The following NUP88 variants were observed in gnomAD, a reference collection of about 807,000 sequenced individuals.
NUP88 encodes the protein nucleoporin 88.
In NUP88, 57 loss-of-function variants were observed where a neutral mutation model predicts 93.9. That is an observed-to-expected ratio of 0.61 (90% CI 0.49 to 0.76). The LOEUF (loss-of-function observed/expected upper bound fraction) is 0.76, where lower values mean the gene tolerates loss of function less well. Among genes scored for constraint, NUP88 ranks in the 30% least tolerant of loss-of-function variants. NUP88 has a pLI of 0.00. For synonymous variants in NUP88, 346 were observed against 336.8 expected (o/e 1.03, Z -0.30); for missense variants, 911 against 901.0 (o/e 1.01, Z -0.14).
At chr17:5,419,227 TG>T in intron 1 of NUP88, 126 bp downstream of exon 1, 1 of 1,113,076 alleles carries the variant, frequency 9.0e-7, no homozygotes. Context: ...CGACCGCGTA[TG>T]GCAGCGTCGG....
chr17:5,391,764 T>A, intron 9 of NUP88, 102 bp from the exon 10 acceptor site: 1 of 889,492 alleles, frequency 1.1e-6, no homozygotes, highest in South Asian at 1.4e-5. Flanking sequence ...TGGGCTGAAG[T>A]TGCTTGGGAC....
Position 5,419,620 on chromosome 17 carries a change from C to A in NUP88, c.31G>T (p.Gly11Cys). 2 of 1,595,776 alleles carry A rather than the reference C, an allele frequency of 1.3e-6. No homozygotes were observed. Among genetic ancestry groups the A allele is most frequent in the South Asian group, 1.1e-5 (1 of 90,858 alleles). MAAAEGPVGD[G>C]ELWQTWLPNH... ...GGAAGCCAGGTCTGCCACAGCTCGCCGTCGCCCACCGGTCCCTCGGCGGCC... is the reference window on the plus strand; with the variant it reads ...GGAAGCCAGGTCTGCCACAGCTCGCAGTCGCCCACCGGTCCCTCGGCGGCC... The change falls in exon 1 of 17, where the codon GGC (glycine) becomes TGC (cysteine). Residue 11 changes from glycine to cysteine, a missense_variant. By Grantham distance (159) the Gly-to-Cys change is radical (BLOSUM62 -3). Transcript: ENST00000573584.
At chr17:5,402,471 G>A (rs937945044) in intron 7 of NUP88, among the ~76,000 whole-genome samples, 6 of 152,164 alleles carry the variant, frequency 3.9e-5, no homozygotes, top group African/African-American at 1.4e-4. Flanking sequence ...AAAATTCTTA[G>A]ACAATATAAA....
In NUP88 at chr17:5,416,507, A is replaced by G; in HGVS notation, c.467+6T>C. ...AAATTATACAGATAAATAGTATACA[A>G]CTTACCTACAATTCACTGTTGATTT... On this transcript the variant is annotated splice_donor_region_variant and intron_variant, in intron 2 of 16. Transcript: ENST00000573584. The G allele has an allele frequency of 6.3e-7, 1 of 1,597,094 alleles. No individual in the cohort carries two copies. The highest frequency in any genetic ancestry group is 8.5e-7 in the Non-Finnish European group (1 of 1,169,612).
At chr17:5,393,897 TATGAG>T (rs1348599784) in intron 9 of NUP88, among the ~76,000 whole-genome samples, 1 of 152,200 alleles carries the variant, frequency 6.6e-6, no homozygotes, top group Non-Finnish European at 1.5e-5. Flanking sequence ...ACAGAGTGCT[TATGAG>T]ATATCTAGTA....
chr17:5,404,647 T>C (rs1000442223), intron 6 of NUP88, among the ~76,000 whole-genome samples: 1 of 152,032 alleles, frequency 6.6e-6, no homozygotes, highest in Non-Finnish European at 1.5e-5. Flanking sequence ...AATAAAAAAA[T>C]TGAAAAAAAA....
chr17:5,407,510 ACT>A (rs1444388007), intron 5 of NUP88, among the ~76,000 whole-genome samples: 2 of 152,070 alleles, frequency 1.3e-5, no homozygotes, highest in Non-Finnish European at 2.9e-5. Flanking sequence ...AAGCGAATAA[ACT>A]CTAATGCTCA....
At position 5,416,554 on chromosome 17, in the gene NUP88, C is replaced by T. The variant is rs1420883146; in HGVS notation, c.426G>A (p.Lys142=). ...MVLELPKRWG[K]NSEFEGGKST... is the part of the protein sequence containing the mutation. ...ATTTTCCACCTTCAAATTCAGAATT[C>T]TTCCCCCATCTTTTAGGTAATTCTA... Residue 142 remains lysine (K), a synonymous_variant, in exon 2 of 17, where the codon AAG becomes AAA. Coordinates refer to ENST00000573584, the MANE Select transcript of NUP88 (RefSeq NM_002532.6). The T allele has an allele frequency of 1.9e-6, 3 of 1,611,466 alleles. No individual in the cohort carries two copies. Among genetic ancestry groups the T allele is most frequent in the Non-Finnish European group, 1.7e-6 (2 of 1,179,084 alleles).
At position 5,408,805 on chromosome 17, in the gene NUP88, A is replaced by G; in HGVS notation, c.785T>C (p.Val262Ala). 1 of 1,613,794 alleles carries G rather than the reference A, an allele frequency of 6.2e-7. No homozygotes were observed. ...TLFGQNGKDE[V>A]VAYPLYILYE... The stretch of plus-strand genomic sequence containing the variant: ...TAAGATGTACAGTGGGTATGCCACT[A>G]CTTCATCTTTGCCGTTTTGTCCAAA... Residue 262 changes from valine to alanine, a missense_variant, in exon 5 of 17, where the codon GTA becomes GCA. Val to Ala is a moderately conservative substitution (Grantham distance 64). Coordinates refer to ENST00000573584, the MANE Select transcript of NUP88 (RefSeq NM_002532.6).
At chr17:5,395,162 T>C (rs1043269678) in intron 8 of NUP88, among the ~76,000 whole-genome samples, 181 bp from the exon 9 acceptor site, 6 of 152,166 alleles carry the variant, frequency 3.9e-5, no homozygotes, top group African/African-American at 1.4e-4. Context: ...CCCCAAGAAG[T>C]AGGATTTTCC....
intron 8 of NUP88, among the ~76,000 whole-genome samples, chr17:5,396,126 G>A (rs1208214708): frequency 6.6e-6 from 1 of 151,986 alleles, no homozygotes; most frequent in Admixed American, 6.6e-5. Flanking sequence ...CAGGTGAATC[G>A]CTTGAACCCA....
intron 16 of NUP88, 100 bp from the exon 17 acceptor site, chr17:5,386,369 C>T: frequency 1.1e-6 from 1 of 927,726 alleles, no homozygotes; most frequent in East Asian, 2.5e-5. Context: ...CTAAGAACTG[C>T]TTTGCTAAAA....
In NUP88 at chr17:5,386,088, A is replaced by T. The variant is rs1239400372; in HGVS notation, c.*118T>A. ...TAAAACAACATATTTAAAAAGATGA[A>T]CCACACCAAAGGTCATCAAAACACC... On this transcript the variant is annotated 3_prime_UTR_variant, in exon 17 of 17. Coordinates refer to ENST00000573584, the MANE Select transcript of NUP88 (RefSeq NM_002532.6). 1.4e-6 allele frequency: 1 copy of T among 692,776 alleles called. No individual in the cohort carries two copies. Among genetic ancestry groups the T allele is most frequent in the Non-Finnish European group, 2.4e-6 (1 of 409,348 alleles). The allele number at this position is 692,776 out of a possible 1,614,324, so 42.9% of individuals were successfully genotyped here.
chr17:5,385,441 C>T lies in NUP88; in HGVS notation c.*765G>A, dbSNP rs1911872563. 1.5e-5 allele frequency: 3 copies of T among 200,418 alleles called. No homozygotes were observed. The highest frequency in any genetic ancestry group is 5.3e-5 in the African/African-American group (2 of 37,560). 12.4% of individuals were successfully genotyped at this position (200,418 alleles called of 1,614,324 possible). On this transcript the variant is annotated 3_prime_UTR_variant, in exon 17 of 17. Coordinates refer to ENST00000573584, the MANE Select transcript of NUP88 (RefSeq NM_002532.6). Reference sequence around the variant, plus strand: ...ACCTTATCATGTGGCTTTTAATTGACAGTCACTCAGCCATTTCTAAGCAGA... The same window carrying T: ...ACCTTATCATGTGGCTTTTAATTGATAGTCACTCAGCCATTTCTAAGCAGA...
intron 2 of NUP88, among the ~76,000 whole-genome samples, chr17:5,415,236 T>G (rs572276900): frequency 2.0e-5 from 3 of 152,090 alleles, no homozygotes; most frequent in East Asian, 2.0e-4. Context: ...CCCAGGGTGG[T>G]CTCAAGCTCC....
chr17:5,414,254 G>A (rs1157243924), intron 2 of NUP88, 120 bp from the exon 3 acceptor site: 18 of 808,546 alleles, frequency 2.2e-5, no homozygotes, highest in South Asian at 2.1e-4. Context: ...GGAGTGTAAC[G>A]GCACAATCTC....
Position 5,385,927 on chromosome 17 carries a change from G to A in NUP88, c.*279C>T. Reference sequence around the variant, plus strand: ...AATAACTAACTTGCTCAAATATGGAGAAAACTCAATAGGGTTCAGGGAGGT... The same window carrying A: ...AATAACTAACTTGCTCAAATATGGAAAAAACTCAATAGGGTTCAGGGAGGT... On this transcript the variant is annotated 3_prime_UTR_variant, in exon 17 of 17. Transcript: ENST00000573584. The A allele has an allele frequency of 2.7e-6, 1 of 364,438 alleles. No individual in the cohort carries two copies. Among genetic ancestry groups the A allele is most frequent in the Non-Finnish European group, 4.9e-6 (1 of 204,938 alleles). 22.6% of individuals were successfully genotyped at this position (364,438 alleles called of 1,614,324 possible). A position where few individuals can be genotyped will look rare whatever the true frequency, so the allele number is the denominator to read the frequency against.
intron 7 of NUP88, among the ~76,000 whole-genome samples, chr17:5,402,307 CAAA>C (rs61030115): frequency 0.45 from 65,969 of 145,582 alleles, 15,096 homozygotes; most frequent in East Asian, 0.84. Context: ...AACTCCATCT[CAAA>C]AAAAAAAACA....
chr17:5,414,176 T>C (rs1472291551), intron 2 of NUP88, 42 bp from the exon 3 acceptor site: 1 of 1,580,336 alleles, frequency 6.3e-7, no homozygotes, highest in Non-Finnish European at 8.7e-7. Context: ...TTTGTACAAC[T>C]TGGATGAAAA....
Sources: gnomAD v4.1 joint callset for allele counts (sites outside exome capture counted in the v4.1 genomes callset) on GRCh38, gnomAD v4.1.1 for gene constraint, MANE v1.5 for transcripts, NCBI Gene and HGNC (gene_info 2026-07-23, HGNC 2026-07-21) for gene names.